RGS7: variants seen among roughly 807,000 people sequenced by gnomAD.
The protein encoded by RGS7 is regulator of G-protein signaling 7.
In RGS7, 27 loss-of-function variants were observed where a neutral mutation model predicts 81.1. That is an observed-to-expected ratio of 0.33 (90% CI 0.25 to 0.46). RGS7 has a LOEUF of 0.46. RGS7 is among the 20% of genes least tolerant of loss of function. The probability of loss-of-function intolerance (pLI) is 1.00; values close to 1 mark genes in which losing one functional copy is unlikely to be tolerated. For missense variants in RGS7, 396 were observed against 607.4 expected, an observed-to-expected ratio of 0.65 and a Z score of 3.66; for synonymous variants, 208 against 207.7, an observed-to-expected ratio of 1.00 and a Z score of -0.01.
intron 2 of RGS7, among the ~76,000 whole-genome samples, chr1:241,187,584 T>A (rs564628710): frequency 6.6e-6 from 1 of 152,262 alleles, no homozygotes; most frequent in South Asian, 2.1e-4. Context: ...GCAGTACAGC[T>A]CAATAAAGCT....
intron 2 of RGS7, among the ~76,000 whole-genome samples, chr1:241,152,465 T>C (rs1486013643): frequency 1.3e-5 from 2 of 152,206 alleles, no homozygotes; most frequent in Admixed American, 1.3e-4. Flanking sequence ...GCTTCATCAA[T>C]AGCAATTGCT....
chr1:241,239,183 G>A (rs995085252), intron 2 of RGS7, among the ~76,000 whole-genome samples: 5 of 151,782 alleles, frequency 3.3e-5, no homozygotes, highest in African/African-American at 1.2e-4. Flanking sequence ...TAGCCAGGAT[G>A]TTCTCGATCT....
At chr1:241,099,617 A>G (rs557708352) in intron 2 of RGS7, among the ~76,000 whole-genome samples, 126 of 152,358 alleles carry the variant, frequency 8.3e-4, no homozygotes, top group African/African-American at 3.0e-3. Flanking sequence ...TTTGAAGAAC[A>G]TTCATTCATT....
intron 2 of RGS7, among the ~76,000 whole-genome samples, chr1:241,325,821 G>A (rs2081460513): frequency 6.6e-6 from 1 of 152,108 alleles, no homozygotes; most frequent in Non-Finnish European, 1.5e-5. Context: ...AGGAAGAGGA[G>A]GAGGAAATAG....
At chr1:240,971,197 A>G (rs1457959024) in intron 4 of RGS7, among the ~76,000 whole-genome samples, 1 of 152,148 alleles carries the variant, frequency 6.6e-6, no homozygotes, top group Non-Finnish European at 1.5e-5. Flanking sequence ...CACAGCGAGA[A>G]GACAGCCATC....
At chr1:240,907,618 G>A (rs1671034592) in intron 6 of RGS7, among the ~76,000 whole-genome samples, 1 of 152,132 alleles carries the variant, frequency 6.6e-6, no homozygotes, top group Non-Finnish European at 1.5e-5. Flanking sequence ...CCCCAACAAG[G>A]GATGCAGCAG....
chr1:241,049,007 C>A (rs2061103040), intron 3 of RGS7, among the ~76,000 whole-genome samples: 1 of 152,200 alleles, frequency 6.6e-6, no homozygotes, highest in South Asian at 2.1e-4. Flanking sequence ...ACAGTGTTCT[C>A]CCCTCTTCTG....
At chr1:240,788,819 T>TAA (rs1558251751) in intron 18 of RGS7, among the ~76,000 whole-genome samples, 1 of 152,182 alleles carries the variant, frequency 6.6e-6, no homozygotes, top group East Asian at 1.9e-4. Flanking sequence ...TTTTGAGGTA[T>TAA]GGATAGTTGG....
intron 3 of RGS7, among the ~76,000 whole-genome samples, chr1:241,087,240 A>G (rs973259646): frequency 2.6e-5 from 4 of 152,230 alleles, no homozygotes; most frequent in African/African-American, 9.6e-5. Flanking sequence ...CAAGGGAGTA[A>G]TGCCTAGGTT....
intron 2 of RGS7, among the ~76,000 whole-genome samples, chr1:241,306,365 CCACA>C (rs779854917): frequency 2.7e-5 from 4 of 150,282 alleles, no homozygotes; most frequent in African/African-American, 9.8e-5. Flanking sequence ...ACACACATGT[CCACA>C]CACACGCACA....
At chr1:241,216,579 C>G (rs1009583844) in intron 2 of RGS7, among the ~76,000 whole-genome samples, 2 of 152,172 alleles carry the variant, frequency 1.3e-5, no homozygotes, top group African/African-American at 4.8e-5. Context: ...CATTACTTTT[C>G]CTTCTTTATT....
At position 240,932,978 on chromosome 1, in the gene RGS7, G is replaced by C. The variant is rs551797442; in HGVS notation, c.334-2210C>G. On this transcript the variant is annotated intron_variant, in intron 5 of 18. Coordinates refer to ENST00000440928, the MANE Select transcript of RGS7 (RefSeq NM_001364886.1). ...GGCTCACTGCAAGCTCCGCCTCCCG[G>C]GTTCACGCCATTCTCCTGCCTCAGC... 1.3e-3 allele frequency among the ~76,000 whole-genome samples: 189 copies of C among 144,152 alleles called. 1 individual carries two copies. The highest frequency in any genetic ancestry group is 4.7e-3 in the African/African-American group (183 of 38,674). 94.6% of individuals were successfully genotyped at this position (144,152 alleles called of 152,430 possible).
At chr1:241,298,353 G>C (rs2079544166) in intron 2 of RGS7, among the ~76,000 whole-genome samples, 1 of 152,232 alleles carries the variant, frequency 6.6e-6, no homozygotes. Flanking sequence ...GTAGTAATCT[G>C]TGTGAAGACT....
intron 4 of RGS7, among the ~76,000 whole-genome samples, chr1:240,949,918 T>C (rs1254970912): frequency 1.3e-5 from 2 of 150,592 alleles, no homozygotes; most frequent in South Asian, 4.2e-4. Context: ...GCTTAGAAGC[T>C]GTCACTCTCA....
chr1:240,940,222 T>C (rs1213424355), intron 4 of RGS7, among the ~76,000 whole-genome samples: 1 of 152,242 alleles, frequency 6.6e-6, no homozygotes, highest in African/African-American at 2.4e-5. Context: ...GTTCTGTCAT[T>C]TTTTTCTTAA....
chr1:240,876,155 A>G (rs1400515200), intron 6 of RGS7, among the ~76,000 whole-genome samples: 1 of 152,200 alleles, frequency 6.6e-6, no homozygotes, highest in Non-Finnish European at 1.5e-5. Context: ...CCATAGCTAG[A>G]CAGCCTGCCT....
intron 2 of RGS7, among the ~76,000 whole-genome samples, chr1:241,251,910 G>A (rs2076846321): frequency 6.6e-6 from 1 of 152,138 alleles, no homozygotes; most frequent in Non-Finnish European, 1.5e-5. Flanking sequence ...GCTCTGTAAA[G>A]AGTAAAACAG....
At chr1:241,325,184 A>C (rs1250049162) in intron 2 of RGS7, among the ~76,000 whole-genome samples, 1 of 152,230 alleles carries the variant, frequency 6.6e-6, no homozygotes, top group Non-Finnish European at 1.5e-5. Context: ...TAAACAACAA[A>C]GATTTTCTCT....
chr1:240,821,769 T>TA (rs1250834592), intron 10 of RGS7, among the ~76,000 whole-genome samples: 6 of 152,222 alleles, frequency 3.9e-5, no homozygotes, highest in Admixed American at 3.9e-4. Context: ...CTGTAATATT[T>TA]AGTGCCATGA....
Sources: allele counts gnomAD v4.1 joint callset (sites outside exome capture counted in the v4.1 genomes callset), GRCh38; gene constraint gnomAD v4.1.1; transcripts MANE v1.5; gene names NCBI Gene and HGNC (gene_info 2026-07-23, HGNC 2026-07-21).